The following RIN3 variants were observed in gnomAD, a reference collection of about 807,000 sequenced individuals.
RIN3 encodes Ras and Rab interactor 3, also known as RAB5 interacting protein 3.
RIN3 carries 54 observed loss-of-function variants against 76.3 expected under a neutral mutation model. The ratio of observed to expected loss-of-function variants is 0.71; its 90% CI spans 0.57 to 0.89. RIN3 has a LOEUF of 0.89. RIN3 is among the 40% of genes least tolerant of loss of function. The probability of loss-of-function intolerance (pLI) is 0.00; values close to 1 mark genes in which losing one functional copy is unlikely to be tolerated. For missense variants in RIN3, 1,256 were observed against 1,322.1 expected, an observed-to-expected ratio of 0.95 and a Z score of 0.78; for synonymous variants, 576 against 564.0, an observed-to-expected ratio of 1.02 and a Z score of -0.30.
Position 92,688,548 on chromosome 14 carries a change from C to T in RIN3, c.*296C>T, listed in dbSNP as rs1888968142. On this transcript the variant is annotated 3_prime_UTR_variant, in exon 10 of 10. Coordinates refer to ENST00000216487, the MANE Select transcript of RIN3 (RefSeq NM_024832.5). ...GCCGCTGCAGCCAACAAACCGGCGC[C>T]CTCTTCACACGTAGCTCCTCAGGCC... 2 of 463,394 alleles carry T rather than the reference C, an allele frequency of 4.3e-6. No homozygotes were observed. Among genetic ancestry groups the T allele is most frequent in the Non-Finnish European group, 7.7e-6 (2 of 258,726 alleles). 28.7% of individuals were successfully genotyped at this position (463,394 alleles called of 1,614,324 possible). A position where few individuals can be genotyped will look rare whatever the true frequency, so the allele number is the denominator to read the frequency against.
intron 8 of RIN3, among the ~76,000 whole-genome samples, chr14:92,677,988 T>G (rs1030321594): frequency 1.6e-5 from 2 of 128,494 alleles, no homozygotes; most frequent in African/African-American, 2.9e-5. Context: ...CCCATCCACA[T>G]ATTCAGCTAC....
chr14:92,546,106 G>A (rs1444362738), intron 1 of RIN3, among the ~76,000 whole-genome samples: 2 of 152,016 alleles, frequency 1.3e-5, no homozygotes, highest in African/African-American at 4.8e-5. Context: ...TGTATTTTTA[G>A]TAGAGACAGG....
intron 3 of RIN3, among the ~76,000 whole-genome samples, chr14:92,607,419 G>A (rs1275977040): frequency 2.6e-5 from 4 of 152,150 alleles, no homozygotes; most frequent in Non-Finnish European, 5.9e-5. Flanking sequence ...CAAGGTGGGA[G>A]GATTGCTTAA....
chr14:92,592,538 C>T (rs1252088424), intron 3 of RIN3, among the ~76,000 whole-genome samples: 1 of 151,760 alleles, frequency 6.6e-6, no homozygotes. Flanking sequence ...ATAACCTATG[C>T]ACACCCTCCT....
chr14:92,687,541 T>G, intron 9 of RIN3: 1 of 237,080 alleles, frequency 4.2e-6, no homozygotes, highest in Non-Finnish European at 8.2e-6. Flanking sequence ...CCTCCCTTCT[T>G]ATCTGTGCTG....
At position 92,652,345 on chromosome 14, in the gene RIN3, A is replaced by G; in HGVS notation, c.1296A>G (p.Gln432=). ...PEDTPRESTE[Q]GQDTEVKASD... is the part of the protein sequence containing the mutation. ...ACACGCCCCGGGAGAGCACGGAGCAAGGCCAGGACACAGAGGTGAAAGCCA... is the reference window on the plus strand; with the variant it reads ...ACACGCCCCGGGAGAGCACGGAGCAGGGCCAGGACACAGAGGTGAAAGCCA... Residue 432 remains glutamine (Q), a synonymous_variant, in exon 6 of 10, where the codon CAA becomes CAG. Coordinates refer to ENST00000216487, the MANE Select transcript of RIN3 (RefSeq NM_024832.5). The surrounding 1 kb of genome is among the most constrained non-coding windows in gnomAD (Gnocchi z 6.4). The G allele has an allele frequency of 1.2e-6, 2 of 1,604,864 alleles. No homozygotes were observed. The highest frequency in any genetic ancestry group is 1.7e-6 in the Non-Finnish European group (2 of 1,174,472).
intron 2 of RIN3, among the ~76,000 whole-genome samples, chr14:92,576,786 T>C (rs145123250): frequency 5.9e-5 from 9 of 152,206 alleles, no homozygotes; most frequent in African/African-American, 1.7e-4. Flanking sequence ...CTATGTGGAG[T>C]GTCATCACAG....
At chr14:92,538,238 G>A in intron 1 of RIN3, among the ~76,000 whole-genome samples, 1 of 152,204 alleles carries the variant, frequency 6.6e-6, no homozygotes, top group East Asian at 1.9e-4. Context: ...CAAAGTGCTG[G>A]GATTACAGGC....
intron 1 of RIN3, among the ~76,000 whole-genome samples, chr14:92,524,928 G>A (rs1236491521): frequency 2.6e-5 from 4 of 152,226 alleles, no homozygotes; most frequent in Non-Finnish European, 5.9e-5. Context: ...CTCTGGAAGG[G>A]GCTGAGCTCT....
chr14:92,665,829 A>G (rs1171364328), intron 7 of RIN3, among the ~76,000 whole-genome samples: 1 of 151,426 alleles, frequency 6.6e-6, no homozygotes, highest in African/African-American at 2.4e-5. Flanking sequence ...CCAGATCCCA[A>G]CTGACTTCAA....
intron 2 of RIN3, among the ~76,000 whole-genome samples, chr14:92,574,500 A>G (rs1303171198): frequency 1.3e-5 from 2 of 152,158 alleles, no homozygotes; most frequent in Non-Finnish European, 2.9e-5. Flanking sequence ...GCATTCACCC[A>G]TGCAAGCTTC....
chr14:92,681,400 A>G lies in RIN3; in HGVS notation c.2468-3587A>G, dbSNP rs1041493586. On this transcript the variant is annotated intron_variant, in intron 8 of 9. Coordinates refer to ENST00000216487, the MANE Select transcript of RIN3 (RefSeq NM_024832.5). The surrounding 1 kb of genome is among the most constrained non-coding windows in gnomAD (Gnocchi z 4.7). ...ACCTGCGAGGGTGAGACACCCCCAG[A>G]GCACCTCCCTGAGGCCTCATAGCCA... is the stretch of plus-strand genomic sequence containing the variant. Among the ~76,000 whole-genome samples, 2 of 152,352 alleles carry G rather than the reference A, an allele frequency of 1.3e-5. No individual in the cohort carries two copies. The highest frequency in any genetic ancestry group is 4.8e-5 in the African/African-American group (2 of 41,588).
At chr14:92,557,914 C>A (rs1447666743) in intron 2 of RIN3, among the ~76,000 whole-genome samples, 2 of 152,176 alleles carry the variant, frequency 1.3e-5, no homozygotes, top group East Asian at 3.8e-4. Flanking sequence ...TCTTGGTCAT[C>A]AAGAAGGACA....
At chr14:92,670,062 AT>A (rs11375700) in intron 7 of RIN3, among the ~76,000 whole-genome samples, 291 of 143,958 alleles carry the variant, frequency 2.0e-3, no homozygotes, top group Admixed American at 2.4e-3. Context: ...GACCCAGCTG[AT>A]TTTTTTTTTT....
At chr14:92,594,975 G>A (rs1429501932) in intron 3 of RIN3, among the ~76,000 whole-genome samples, 1 of 152,202 alleles carries the variant, frequency 6.6e-6, no homozygotes, top group Non-Finnish European at 1.5e-5. Context: ...TTGTTGTTAT[G>A]AGGAACAGAC....
chr14:92,513,987 G>A lies in RIN3; in HGVS notation c.44+11G>A, dbSNP rs1015955615. On this transcript the variant is annotated intron_variant, in intron 1 of 9. Coordinates refer to ENST00000216487, the MANE Select transcript of RIN3 (RefSeq NM_024832.5). ...CGGGGACCCCACGGGGTAAGTCCGGGCGGCCGCCCCCTCCTCCCTCGCGAT... is the reference window on the plus strand; with the variant it reads ...CGGGGACCCCACGGGGTAAGTCCGGACGGCCGCCCCCTCCTCCCTCGCGAT... The A allele has an allele frequency of 9.7e-6, 12 of 1,236,016 alleles. No individual in the cohort carries two copies. In the African/African-American group the frequency reaches 1.9e-4, roughly 19 times the overall value. 76.6% of individuals were successfully genotyped at this position (1,236,016 alleles called of 1,614,324 possible).
intron 1 of RIN3, among the ~76,000 whole-genome samples, chr14:92,532,464 T>C (rs1896906279): frequency 6.6e-6 from 1 of 152,110 alleles, no homozygotes; most frequent in South Asian, 2.1e-4. Flanking sequence ...TGGGGTCATC[T>C]CATTTTAGAC....
At chr14:92,682,006 C>T (rs1888683177) in intron 8 of RIN3, among the ~76,000 whole-genome samples, 1 of 152,142 alleles carries the variant, frequency 6.6e-6, no homozygotes, top group Non-Finnish European at 1.5e-5. Flanking sequence ...CCTGTCTCAG[C>T]CTCCAGAGTA....
intron 1 of RIN3, among the ~76,000 whole-genome samples, chr14:92,545,904 T>C (rs142136319): frequency 1.4e-5 from 2 of 146,378 alleles, no homozygotes; most frequent in African/African-American, 5.0e-5. Context: ...TGTGTAGCAT[T>C]GATTCTGGCC....
Sources: allele counts gnomAD v4.1 joint callset (sites outside exome capture counted in the v4.1 genomes callset), GRCh38; gene constraint gnomAD v4.1.1; non-coding constraint Gnocchi (gnomAD v3.1); transcripts MANE v1.5; gene names NCBI Gene and HGNC (gene_info 2026-07-23, HGNC 2026-07-21).